The following NANP variants were observed in gnomAD, a reference collection of about 807,000 sequenced individuals.
NANP encodes N-acylneuraminate-9-phosphatase.
In NANP, 15 loss-of-function variants were observed where a neutral mutation model predicts 16.9. That is an observed-to-expected ratio of 0.89 (90% CI 0.59 to 1.37). NANP has a LOEUF of 1.37. NANP is among the 40% of genes most tolerant of loss of function. NANP has a pLI of 0.00. For synonymous variants in NANP, 135 were observed against 112.6 expected (o/e 1.20, Z -1.26); for missense variants, 290 against 303.5 (o/e 0.96, Z 0.33).
At chr20:25,616,631 C>G (rs757240816) in intron 1 of NANP, 50 bp from the exon 2 acceptor site, 9 of 1,414,578 alleles carry the variant, frequency 6.4e-6, no homozygotes, top group Non-Finnish European at 8.6e-6. Flanking sequence ...CTTTAGTAGT[C>G]ATGCCCTAGG....
Position 25,616,582 on chromosome 20 carries a change from C to T in NANP, c.91-1G>A. 6.4e-7 allele frequency: 1 copy of T among 1,570,832 alleles called. No individual in the cohort carries two copies. The highest frequency in any genetic ancestry group is 8.6e-7 in the Non-Finnish European group (1 of 1,161,940). ...ATTTTGATTGTAAGAGTTTTATCAC[C>T]TAAATAATGGAAAATAACTCCATTA... is the stretch of plus-strand genomic sequence containing the variant. On this transcript the variant is annotated splice_acceptor_variant, in intron 1 of 1. Transcript: ENST00000304788. LOFTEE classifies it high-confidence loss of function.
chr20:25,615,958 T>C lies in NANP; in HGVS notation c.714A>G (p.Gln238=). The C allele has an allele frequency of 6.2e-7, 1 of 1,613,956 alleles. No individual in the cohort carries two copies. Among genetic ancestry groups the C allele is most frequent in the Non-Finnish European group, 8.5e-7 (1 of 1,179,942 alleles). Residue 238 remains glutamine, a synonymous_variant, in exon 2 of 2, where the codon CAA becomes CAG. Coordinates refer to ENST00000304788, the MANE Select transcript of NANP (RefSeq NM_152667.3). The part of the protein sequence containing the change: ...SSVLELPALL[Q]SIDCKVSMST ...ACATACTGACTTTGCAGTCTATACT[T>C]TGTAAGAGAGCAGGTAACTCTAGCA...
In NANP at chr20:25,616,419, C is replaced by G. The variant is rs1187398969; in HGVS notation, c.253G>C (p.Gly85Arg). ...HWEEAIQETK[G>R]GAANRKLAEE... is the part of the protein sequence containing the mutation. ...GCCAATTTTCTATTGGCTGCACCAC[C>G]TTTTGTTTCCTGGATTGCTTCTTCC... The change falls in exon 2 of 2, where the codon GGT (glycine) becomes CGT (arginine). Residue 85 changes from glycine to arginine, a missense_variant. Gly to Arg is a moderately radical substitution (Grantham distance 125, BLOSUM62 -2). Transcript: ENST00000304788. The G allele has an allele frequency of 6.2e-7, 1 of 1,614,150 alleles. No individual in the cohort carries two copies. Among genetic ancestry groups the G allele is most frequent in the Non-Finnish European group, 8.5e-7 (1 of 1,180,020 alleles).
At chr20:25,623,281 CGT>C (rs1491371047) in intron 1 of NANP, among the ~76,000 whole-genome samples, 1 of 152,226 alleles carries the variant, frequency 6.6e-6, no homozygotes, top group Non-Finnish European at 1.5e-5. Flanking sequence ...TGCTGTGTCA[CGT>C]GTCAGAAAGC....
In NANP at chr20:25,623,997, A is replaced by T; in HGVS notation, c.-49T>A. Reference sequence around the variant, plus strand: ...GTAGCCTTGCCACCGCCGCCTGCGCATGCGCAAGGCGGACTGCCCAGAGAG... The same window carrying T: ...GTAGCCTTGCCACCGCCGCCTGCGCTTGCGCAAGGCGGACTGCCCAGAGAG... On this transcript the variant is annotated 5_prime_UTR_variant, in exon 1 of 2. The change abolishes an upstream ATG in the 5' untranslated region. Coordinates refer to ENST00000304788, the MANE Select transcript of NANP (RefSeq NM_152667.3). 1 of 1,583,398 alleles carries T rather than the reference A, an allele frequency of 6.3e-7. No homozygotes were observed. The highest frequency in any genetic ancestry group is 1.1e-5 in the South Asian group (1 of 89,588).
At position 25,613,647 on chromosome 20, in the gene NANP, C is replaced by G. The variant is rs2065330769; in HGVS notation, c.*2278G>C. On this transcript the variant is annotated 3_prime_UTR_variant, in exon 2 of 2. Coordinates refer to ENST00000304788, the MANE Select transcript of NANP (RefSeq NM_152667.3). ...ACATTCCACTCAGAAGGTAGATAACCACAAAGTTCTTCCCTAAGGAAGGGT... is the reference window on the plus strand; with the variant it reads ...ACATTCCACTCAGAAGGTAGATAACGACAAAGTTCTTCCCTAAGGAAGGGT... 1 of 396,410 alleles carries G rather than the reference C, an allele frequency of 2.5e-6. No homozygotes were observed. Among genetic ancestry groups the G allele is most frequent in the Non-Finnish European group, 4.4e-6 (1 of 225,428 alleles). The allele number at this position is 396,410 out of a possible 1,614,324, so 24.6% of individuals were successfully genotyped here.
At chr20:25,622,723 C>T (rs182491220) in intron 1 of NANP, among the ~76,000 whole-genome samples, 17 of 152,274 alleles carry the variant, frequency 1.1e-4, no homozygotes, top group Admixed American at 9.8e-4. Flanking sequence ...CTACTGATTC[C>T]GGCATTTTGG....
At position 25,615,453 on chromosome 20, in the gene NANP, T is replaced by C. The variant is rs2065339065; in HGVS notation, c.*472A>G. The C allele has an allele frequency of 6.5e-6, 1 of 153,294 alleles. No homozygotes were observed. Among genetic ancestry groups the C allele is most frequent in the Admixed American group, 6.5e-5 (1 of 15,392 alleles). 9.5% of individuals were successfully genotyped at this position (153,294 alleles called of 1,614,324 possible). A position where few individuals can be genotyped will look rare whatever the true frequency, so the allele number is the denominator to read the frequency against. ...ATAATACCTTGATTTGCATGTGACTTAGTACTTATTTCATATTAACCAGAT... is the reference window on the plus strand; with the variant it reads ...ATAATACCTTGATTTGCATGTGACTCAGTACTTATTTCATATTAACCAGAT... On this transcript the variant is annotated 3_prime_UTR_variant, in exon 2 of 2. Transcript: ENST00000304788.
intron 1 of NANP, 31 bp downstream of exon 1, chr20:25,623,828 C>T: frequency 6.2e-7 from 1 of 1,603,104 alleles, no homozygotes; most frequent in East Asian, 2.2e-5. Flanking sequence ...ACTGACCCCG[C>T]CCAGAGGAGC....
At chr20:25,622,461 G>A (rs1360519570) in intron 1 of NANP, among the ~76,000 whole-genome samples, 2 of 152,202 alleles carry the variant, frequency 1.3e-5, no homozygotes, top group African/African-American at 4.8e-5. Flanking sequence ...TTTTGGGAGA[G>A]CTGTGATTCA....
At position 25,615,845 on chromosome 20, in the gene NANP, T is replaced by C. The variant is rs147212318; in HGVS notation, c.*80A>G. ...AATTATTCTTAGAGCTGGATTATCA[T>C]AAGTGGAGTGCCCTAACTTTTCTTA... On this transcript the variant is annotated 3_prime_UTR_variant, in exon 2 of 2. Coordinates refer to ENST00000304788, the MANE Select transcript of NANP (RefSeq NM_152667.3). 1.7e-3 allele frequency: 2,217 copies of C among 1,327,196 alleles called. 18 individuals carry two copies. The African/African-American group carries it at 0.019, about 12-fold the overall frequency. The allele number at this position is 1,327,196 out of a possible 1,614,324, so 82.2% of individuals were successfully genotyped here. A position where few individuals can be genotyped will look rare whatever the true frequency, so the allele number is the denominator to read the frequency against.
At chr20:25,622,910 A>G (rs1174576200) in intron 1 of NANP, among the ~76,000 whole-genome samples, 1 of 152,230 alleles carries the variant, frequency 6.6e-6, no homozygotes, top group Admixed American at 6.5e-5. Flanking sequence ...GAATAGCCCA[A>G]AGGGAGGCAT....
rs766527115 is a variant in NANP, at chr20:25,616,377, G to A, written c.295C>T (p.Leu99Phe). 9.3e-6 allele frequency: 15 copies of A among 1,613,910 alleles called. No individual in the cohort carries two copies. In the Admixed American group the frequency reaches 1.2e-4, roughly 13 times the overall value. The change falls in exon 2 of 2, where the codon CTT becomes TTT. Residue 99 changes from leucine to phenylalanine, a missense_variant. Physicochemically the swap from Leu to Phe is conservative, Grantham distance 22. Coordinates refer to ENST00000304788, the MANE Select transcript of NANP (RefSeq NM_152667.3). ...NRKLAEECYF[L>F]WKSTRLQHMT... ...TGCTGTAAACGTGTAGATTTCCAAAGGAAATAACATTCTTCAGCCAATTTT... is the reference window on the plus strand; with the variant it reads ...TGCTGTAAACGTGTAGATTTCCAAAAGAAATAACATTCTTCAGCCAATTTT...
In NANP at chr20:25,619,121, C is replaced by CTT. The variant is rs34028977; in HGVS notation, c.91-2542_91-2541dup. Among the ~76,000 whole-genome samples the CTT allele has an allele frequency of 7.9e-3, 1,054 of 133,056 alleles. 17 individuals carry two copies. Among genetic ancestry groups the CTT allele is most frequent in the African/African-American group, 0.026 (925 of 35,488 alleles). 87.3% of individuals were successfully genotyped at this position (133,056 alleles called of 152,430 possible). On this transcript the variant is annotated intron_variant, in intron 1 of 1. Coordinates refer to ENST00000304788, the MANE Select transcript of NANP (RefSeq NM_152667.3). ...AAGAATCACAACAAAGGAAAAGGGT[C>CTT]TTTTTTTTTTTTTTTTTTCCCCAAA...
Position 25,616,326 on chromosome 20 carries a change from C to T in NANP, c.346G>A (p.Ala116Thr). Reference sequence around the variant, plus strand: ...TCCTTTCGAAGTTCAGTAAGCATGGCTTTGACGTCTTCTGCTAGTGTCATA... The same window carrying T: ...TCCTTTCGAAGTTCAGTAAGCATGGTTTTGACGTCTTCTGCTAGTGTCATA... ...QHMTLAEDVK[A>T]MLTELRKEVR... The change falls in exon 2 of 2, where the codon GCC (alanine) becomes ACC (threonine). Residue 116 changes from alanine (A) to threonine (T), a missense_variant. By Grantham distance (58) the Ala-to-Thr change is moderately conservative. Transcript: ENST00000304788. The T allele has an allele frequency of 6.2e-7, 1 of 1,614,152 alleles. No individual in the cohort carries two copies. Among genetic ancestry groups the T allele is most frequent in the Non-Finnish European group, 8.5e-7 (1 of 1,180,012 alleles).
At chr20:25,618,159 G>A (rs2065350967) in intron 1 of NANP, among the ~76,000 whole-genome samples, 1 of 136,056 alleles carries the variant, frequency 7.3e-6, no homozygotes, top group Non-Finnish European at 1.5e-5. Context: ...GCATTATCTG[G>A]TGGGGAATAT....
chr20:25,618,643 G>C (rs920662516), intron 1 of NANP, among the ~76,000 whole-genome samples: 38 of 151,960 alleles, frequency 2.5e-4, no homozygotes, highest in African/African-American at 9.2e-4. Flanking sequence ...CACACAGGAT[G>C]GGGCTAAAAA....
intron 1 of NANP, among the ~76,000 whole-genome samples, chr20:25,618,524 G>A (rs771925537): frequency 2.4e-4 from 36 of 152,074 alleles, no homozygotes; most frequent in Non-Finnish European, 4.3e-4. Flanking sequence ...AGCAGGTGCT[G>A]CCTAAATCCC....
chr20:25,623,678 A>C (rs1342097744), intron 1 of NANP, among the ~76,000 whole-genome samples, 181 bp downstream of exon 1: 1 of 152,156 alleles, frequency 6.6e-6, no homozygotes, highest in Non-Finnish European at 1.5e-5. Context: ...GGCCAGGGAA[A>C]GCAGACCCGC....
Sources: allele counts gnomAD v4.1 joint callset (sites outside exome capture counted in the v4.1 genomes callset), GRCh38; gene constraint gnomAD v4.1.1; transcripts MANE v1.5; gene names NCBI Gene and HGNC (gene_info 2026-07-23, HGNC 2026-07-21).